Variants in WNK2 observed in about 807,000 individuals in gnomAD.
WNK2 encodes the protein WNK lysine deficient protein kinase 2.
A neutral mutation model predicts 192.1 loss-of-function variants in WNK2; 67 were observed. That is an observed-to-expected ratio of 0.35 (90% CI 0.29 to 0.43). The LOEUF is 0.43. WNK2 is among the 20% of genes least tolerant of loss of function. WNK2 has a pLI of 1.00. For synonymous variants in WNK2, 1,439 were observed against 1,393.9 expected (o/e 1.03, Z -0.72); for missense variants, 2,698 against 3,089.7 (o/e 0.87, Z 3.01).
Position 93,252,949 on chromosome 9 carries a change from G to A in WNK2, c.1901G>A (p.Ser634Asn), listed in dbSNP as rs771165568. 2.5e-6 allele frequency: 4 copies of A among 1,579,118 alleles called. No individual in the cohort carries two copies. The highest frequency in any genetic ancestry group is 3.4e-6 in the Non-Finnish European group (4 of 1,163,630). The change falls in exon 9 of 30, where the codon AGC becomes AAC. Residue 634 changes from serine (S) to asparagine (N), a missense_variant. Ser to Asn is a conservative substitution (Grantham distance 46). Around this residue, in one of 7 missense-constraint regions of WNK2, gnomAD observed 893 missense variants for 909.0 expected, o/e 0.98. Coordinates refer to ENST00000427277, the MANE Select transcript of WNK2 (RefSeq NM_006648.4). ...VYSDSQSSQQ[S>N]VMLGSLADAA... is the part of the protein sequence containing the mutation. ...TCAGACTCGCAGAGCAGCCAGCAGA[G>A]CGTGATGCTTGGCTCCCTTGCCGAC...
At chr9:93,285,036 T>C (rs999239532) in intron 19 of WNK2, among the ~76,000 whole-genome samples, 1 of 152,236 alleles carries the variant, frequency 6.6e-6, no homozygotes, top group African/African-American at 2.4e-5. Context: ...TTCTATATAA[T>C]GTTACATAAA....
Position 93,258,212 on chromosome 9 carries a change from G to A in WNK2, c.2383-719G>A, listed in dbSNP as rs144334598. Among the ~76,000 whole-genome samples the A allele has an allele frequency of 1.7e-3, 263 of 152,314 alleles. 2 individuals carry two copies. Among genetic ancestry groups the A allele is most frequent in the African/African-American group, 5.8e-3 (243 of 41,568 alleles). ...GACACACACCAGCATGCACGAGAAG[G>A]CTGTCAAAGATGGAAGTGCTATGTC... is the stretch of plus-strand genomic sequence containing the variant. On this transcript the variant is annotated intron_variant, in intron 11 of 29. Transcript: ENST00000427277.
chr9:93,293,316 T>G, intron 23 of WNK2, 143 bp downstream of exon 23: 1 of 658,280 alleles, frequency 1.5e-6, no homozygotes. Flanking sequence ...AGGGGAGTGA[T>G]GAAGGCTTTT....
At chr9:93,192,097 C>T (rs1231430092) in intron 2 of WNK2, among the ~76,000 whole-genome samples, 3 of 148,554 alleles carry the variant, frequency 2.0e-5, no homozygotes, top group South Asian at 2.2e-4. Flanking sequence ...GGGCGGAACA[C>T]GAGGTCAAGA....
At chr9:93,238,141 C>T (rs1840132427) in intron 5 of WNK2, 92 bp from the exon 6 acceptor site, 8 of 1,124,076 alleles carry the variant, frequency 7.1e-6, no homozygotes, top group Admixed American at 3.6e-5. Context: ...CGTGTCCTGC[C>T]GTGGCTGGGA....
In WNK2 at chr9:93,247,324, C is replaced by T. The variant is rs1042012612; in HGVS notation, c.1543-219C>T. 6.6e-5 allele frequency among the ~76,000 whole-genome samples: 10 copies of T among 152,224 alleles called. No individual in the cohort carries two copies. The highest frequency in any genetic ancestry group is 2.2e-4 in the African/African-American group (9 of 41,460). On this transcript the variant is annotated intron_variant, in intron 7 of 29. Transcript: ENST00000427277. The surrounding 1 kb of genome is among the most constrained non-coding windows in gnomAD (Gnocchi z 5.2). The stretch of plus-strand genomic sequence containing the variant: ...CTCTTGCTGTGGACTCTGCGGGATG[C>T]AGGTCAGGCCTGCGTGGTGGTGGTC...
rs7855770 is a variant in WNK2 at position 93,289,752 on chromosome 9, C to T, written c.4866+132C>T. 840 of 1,010,294 alleles carry T rather than the reference C, an allele frequency of 8.3e-4. 5 individuals carry two copies. The African/African-American group carries it at 0.012, about 14-fold the overall frequency. The allele number at this position is 1,010,294 out of a possible 1,614,324, so 62.6% of individuals were successfully genotyped here. A position where few individuals can be genotyped will look rare whatever the true frequency, so the allele number is the denominator to read the frequency against. On this transcript the variant is annotated intron_variant, in intron 20 of 29. Coordinates refer to ENST00000427277, the MANE Select transcript of WNK2 (RefSeq NM_006648.4). The stretch of plus-strand genomic sequence containing the variant: ...TCAGGGCCCGTCCCTCTCTTGGTGA[C>T]CCACCCACGTGTGTTTGACTCACCC...
intron 8 of WNK2, among the ~76,000 whole-genome samples, chr9:93,251,466 T>C (rs1842597361): frequency 6.6e-6 from 1 of 152,110 alleles, no homozygotes; most frequent in Non-Finnish European, 1.5e-5. Flanking sequence ...GTGGCTCCTT[T>C]TGGGAGTCAA....
chr9:93,314,778 G>A (rs114363338), intron 28 of WNK2, among the ~76,000 whole-genome samples: 6 of 152,222 alleles, frequency 3.9e-5, no homozygotes, highest in African/African-American at 1.4e-4. Flanking sequence ...GGACTGTAGG[G>A]TAGATGCCTG....
chr9:93,221,494 C>T (rs1030180496), intron 2 of WNK2, among the ~76,000 whole-genome samples: 5 of 152,184 alleles, frequency 3.3e-5, no homozygotes, highest in Admixed American at 2.0e-4. Context: ...GTGGACAGAA[C>T]GATGCTGGGC....
chr9:93,262,782 C>T, intron 14 of WNK2, 63 bp downstream of exon 14: 1 of 1,565,438 alleles, frequency 6.4e-7, no homozygotes, highest in Non-Finnish European at 8.7e-7. Flanking sequence ...TACAGCCACT[C>T]AGCCTGGCTC....
chr9:93,244,681 G>C (rs1241367852), intron 7 of WNK2, among the ~76,000 whole-genome samples: 1 of 152,198 alleles, frequency 6.6e-6, no homozygotes, highest in Non-Finnish European at 1.5e-5. Flanking sequence ...GGAGCCTTAG[G>C]AATGGCCTCA....
chr9:93,211,951 C>T (rs149170936), intron 2 of WNK2, among the ~76,000 whole-genome samples: 206 of 152,208 alleles, frequency 1.4e-3, no homozygotes, highest in Middle Eastern at 6.8e-3. Context: ...CTCATCCACT[C>T]ACTCATACAT....
chr9:93,202,331 T>TGTGGGTGTGG (rs1422099373), intron 2 of WNK2, among the ~76,000 whole-genome samples: 1 of 115,980 alleles, frequency 8.6e-6, no homozygotes, highest in African/African-American at 3.7e-5. Flanking sequence ...TGCACGTGTG[T>TGTGGGTGTGG]GTGTGTGTGT....
intron 2 of WNK2, among the ~76,000 whole-genome samples, chr9:93,202,821 G>T (rs1200663249): frequency 1.3e-5 from 2 of 152,136 alleles, no homozygotes; most frequent in Non-Finnish European, 2.9e-5. Context: ...GCACACATAG[G>T]TTGTGCTTGC....
At chr9:93,216,082 C>G (rs1452315200) in intron 2 of WNK2, among the ~76,000 whole-genome samples, 1 of 152,172 alleles carries the variant, frequency 6.6e-6, no homozygotes, top group Non-Finnish European at 1.5e-5. Flanking sequence ...TCTGTTTTAT[C>G]CAGACTTCTA....
At chr9:93,271,455 C>G (rs1845992067) in intron 19 of WNK2, among the ~76,000 whole-genome samples, 1 of 152,170 alleles carries the variant, frequency 6.6e-6, no homozygotes, top group Non-Finnish European at 1.5e-5. Flanking sequence ...TTGGGATGAT[C>G]TGACAAAAAC....
At chr9:93,269,738 T>C (rs1845756300) in intron 19 of WNK2, among the ~76,000 whole-genome samples, 2 of 152,238 alleles carry the variant, frequency 1.3e-5, no homozygotes, top group African/African-American at 4.8e-5. Context: ...GGTGTAAGTT[T>C]AGGGGACAGT....
At chr9:93,234,668 G>C in intron 4 of WNK2, 140 bp from the exon 5 acceptor site, 1 of 1,000,324 alleles carries the variant, frequency 1.0e-6, no homozygotes, top group Admixed American at 2.8e-5. Context: ...GGCTGGCCCT[G>C]GGGTCCAGGT....
Sources: gnomAD v4.1 joint callset for allele counts (sites outside exome capture counted in the v4.1 genomes callset) on GRCh38, gnomAD v4.1.1 for gene constraint, gnomAD v4.1.1 regional missense constraint, Gnocchi (gnomAD v3.1) non-coding constraint, MANE v1.5 for transcripts, NCBI Gene and HGNC (gene_info 2026-07-23, HGNC 2026-07-21) for gene names.